The following SYNJ2 variants were observed in gnomAD, a reference collection of about 807,000 sequenced individuals.
SYNJ2 encodes synaptojanin 2.
A neutral mutation model predicts 141.3 loss-of-function variants in SYNJ2; 116 were observed. The ratio of observed to expected loss-of-function variants is 0.82; its 90% CI spans 0.71 to 0.96. The LOEUF is 0.96. Ranked by LOEUF, SYNJ2 falls within the 40% of genes least tolerant of loss-of-function variation. The probability of loss-of-function intolerance (pLI) is 0.00; values close to 1 mark genes in which losing one functional copy is unlikely to be tolerated. For missense variants in SYNJ2, 1,873 were observed against 1,934.8 expected, an observed-to-expected ratio of 0.97 and a Z score of 0.60; for synonymous variants, 745 against 777.7, an observed-to-expected ratio of 0.96 and a Z score of 0.70.
intron 1 of SYNJ2, among the ~76,000 whole-genome samples, chr6:158,004,185 A>C (rs1777964496): frequency 2.0e-5 from 3 of 152,076 alleles, no homozygotes; most frequent in Non-Finnish European, 4.4e-5. Flanking sequence ...CTCCATCTTG[A>C]ATAGGGGCTG....
Position 158,021,503 on chromosome 6 carries a change from A to C in SYNJ2, c.214+4213A>C, listed in dbSNP as rs148118339. Among the ~76,000 whole-genome samples the C allele has an allele frequency of 2.6e-3, 396 of 152,286 alleles. 2 individuals carry two copies. The highest frequency in any genetic ancestry group is 8.6e-3 in the African/African-American group (356 of 41,566). ...TAGAGTGTGGCCTGGGGACGCTGCCACCACTGAGAAGCTCTGCTGTCTCTC... is the reference window on the plus strand; with the variant it reads ...TAGAGTGTGGCCTGGGGACGCTGCCCCCACTGAGAAGCTCTGCTGTCTCTC... On this transcript the variant is annotated intron_variant, in intron 2 of 26. Transcript: ENST00000355585.
At chr6:158,094,229 C>G (rs1783656821) in intron 26 of SYNJ2, 1 of 465,304 alleles carries the variant, frequency 2.1e-6, no homozygotes, top group African/African-American at 1.9e-5. Flanking sequence ...CGCCTCTTCC[C>G]TGTTCAGATG....
At position 158,043,218 on chromosome 6, in the gene SYNJ2, C is replaced by A; in HGVS notation, c.712-98C>A. 2 of 1,026,822 alleles carry A rather than the reference C, an allele frequency of 1.9e-6. No individual in the cohort carries two copies. Among genetic ancestry groups the A allele is most frequent in the Non-Finnish European group, 1.5e-6 (1 of 671,578 alleles). 63.6% of individuals were successfully genotyped at this position (1,026,822 alleles called of 1,614,324 possible). A position where few individuals can be genotyped will look rare whatever the true frequency, so the allele number is the denominator to read the frequency against. On this transcript the variant is annotated intron_variant, in intron 4 of 26. Coordinates refer to ENST00000355585, the MANE Select transcript of SYNJ2 (RefSeq NM_003898.4). This position sits in a 1 kb window ranked among gnomAD's most constrained non-coding sequence, Gnocchi z 4.0. ...GTCCACCGTCCGCCCTTCATTCTGG[C>A]TGGTGTCGGGTCACAGGTGGCCGGA...
chr6:158,004,516 C>T (rs534452301), intron 1 of SYNJ2, among the ~76,000 whole-genome samples: 1 of 152,196 alleles, frequency 6.6e-6, no homozygotes, highest in Non-Finnish European at 1.5e-5. Context: ...GGGAAGAACC[C>T]TCAGTTCCTG....
At chr6:158,081,032 C>T in intron 18 of SYNJ2, 77 bp from the exon 19 acceptor site, 1 of 1,359,404 alleles carries the variant, frequency 7.4e-7, no homozygotes, top group Admixed American at 1.7e-5. Context: ...CTGTCCCAGG[C>T]TAACTGGGGA....
intron 1 of SYNJ2, among the ~76,000 whole-genome samples, chr6:158,008,745 C>T (rs1033069055): frequency 6.6e-6 from 1 of 152,222 alleles, no homozygotes; most frequent in Non-Finnish European, 1.5e-5. Context: ...TCCATTGCTG[C>T]GCCCTGGCTC....
chr6:158,037,699 C>T (rs1374056476), intron 4 of SYNJ2, among the ~76,000 whole-genome samples: 1 of 152,086 alleles, frequency 6.6e-6, no homozygotes, highest in African/African-American at 2.4e-5. Flanking sequence ...CTGAGCCCGG[C>T]CCAGTTGTCC....
chr6:158,081,273 T>G lies in SYNJ2; in HGVS notation c.2732T>G (p.Leu911Arg), dbSNP rs1387433819. Residue 911 changes from leucine (L) to arginine (R), a missense_variant, in exon 19 of 27, where the codon CTG (leucine) becomes CGG (arginine). Physicochemically the swap from Leu to Arg is moderately radical, Grantham distance 102 (BLOSUM62 -2). Coordinates refer to ENST00000355585, the MANE Select transcript of SYNJ2 (RefSeq NM_003898.4). The part of the protein sequence containing the change: ...LEEKNEFPED[L>R]RTELMQTLGS... Reference sequence around the variant, plus strand: ...GAGAAAAACGAGTTTCCAGAGGACCTGCGTACTGAGCTCATGCAGACCTTG... The same window carrying G: ...GAGAAAAACGAGTTTCCAGAGGACCGGCGTACTGAGCTCATGCAGACCTTG... 1 of 1,614,162 alleles carries G rather than the reference T, an allele frequency of 6.2e-7. No homozygotes were observed. Among genetic ancestry groups the G allele is most frequent in the East Asian group, 2.2e-5 (1 of 44,882 alleles).
intron 4 of SYNJ2, among the ~76,000 whole-genome samples, chr6:158,035,409 A>G (rs2128339684): frequency 6.6e-6 from 1 of 152,192 alleles, no homozygotes; most frequent in Admixed American, 6.5e-5. Flanking sequence ...CATAAACTGT[A>G]TTGCTAGGTA....
At chr6:158,046,180 A>G (rs960461529) in intron 5 of SYNJ2, among the ~76,000 whole-genome samples, 1 of 152,070 alleles carries the variant, frequency 6.6e-6, no homozygotes, top group African/African-American at 2.4e-5. Context: ...TTCTGACCTC[A>G]AGTGATCTGC....
intron 24 of SYNJ2, 123 bp from the exon 25 acceptor site, chr6:158,089,716 G>C (rs925889070): frequency 3.2e-6 from 2 of 633,408 alleles, no homozygotes; most frequent in Non-Finnish European, 5.6e-6. Context: ...GGTGGAGGCT[G>C]GAGTTTGTAT....
chr6:158,086,751 C>T, intron 22 of SYNJ2, 104 bp from the exon 23 acceptor site: 1 of 1,195,074 alleles, frequency 8.4e-7, no homozygotes. Context: ...AGCTGTCCTA[C>T]AGCAGGTCCC....
chr6:158,011,467 A>G (rs564561774), intron 1 of SYNJ2, among the ~76,000 whole-genome samples: 99 of 152,336 alleles, frequency 6.5e-4, no homozygotes, highest in Non-Finnish European at 1.2e-3. Context: ...CCTGCATTGT[A>G]TAAGTCAGAG....
At position 158,029,158 on chromosome 6, in the gene SYNJ2, C is replaced by T. The variant is rs1235377283; in HGVS notation, c.485+132C>T. Reference sequence around the variant, plus strand: ...ATGGGGCACCTCTGGAGAGTTAGGACCCAGGCCTGCTCTCAGCACAATGAG... The same window carrying T: ...ATGGGGCACCTCTGGAGAGTTAGGATCCAGGCCTGCTCTCAGCACAATGAG... On this transcript the variant is annotated intron_variant, in intron 3 of 26. Coordinates refer to ENST00000355585, the MANE Select transcript of SYNJ2 (RefSeq NM_003898.4). 5 of 1,204,458 alleles carry T rather than the reference C, an allele frequency of 4.2e-6. No individual in the cohort carries two copies. The African/African-American group carries it at 6.2e-5, about 15-fold the overall frequency. 74.6% of individuals were successfully genotyped at this position (1,204,458 alleles called of 1,614,324 possible). A position where few individuals can be genotyped will look rare whatever the true frequency, so the allele number is the denominator to read the frequency against.
At chr6:158,034,562 AT>A (rs1314832654) in intron 4 of SYNJ2, among the ~76,000 whole-genome samples, 4 of 152,204 alleles carry the variant, frequency 2.6e-5, no homozygotes, top group African/African-American at 9.7e-5. Context: ...AGATACAGAG[AT>A]GAGGAGGCTG....
chr6:158,020,243 ACCTGCGTGACTCTGACTGTGTGAC>A (rs1778691388), intron 2 of SYNJ2, among the ~76,000 whole-genome samples: 10 of 129,048 alleles, frequency 7.7e-5, no homozygotes, highest in African/African-American at 3.5e-4. Flanking sequence ...TGTGACCCCC[ACCTGCGTGACTCTGACTGTGTGAC>A]CCCCACCTGC....
At chr6:158,017,320 G>T (rs1235180932) in intron 2 of SYNJ2, 30 bp downstream of exon 2, 1 of 1,595,732 alleles carries the variant, frequency 6.3e-7, no homozygotes. Flanking sequence ...AGGAGCAGGC[G>T]CCAGGCTCCC....
At chr6:157,998,855 G>A (rs1777729938) in intron 1 of SYNJ2, among the ~76,000 whole-genome samples, 1 of 152,200 alleles carries the variant, frequency 6.6e-6, no homozygotes, top group Non-Finnish European at 1.5e-5. Flanking sequence ...CACCCACATA[G>A]CCAGCACGCA....
At chr6:158,014,973 G>A (rs992795586) in intron 1 of SYNJ2, among the ~76,000 whole-genome samples, 1 of 152,194 alleles carries the variant, frequency 6.6e-6, no homozygotes, top group Non-Finnish European at 1.5e-5. Flanking sequence ...GGGGGATGGG[G>A]ATGGTTGAGA....
Sources: allele counts gnomAD v4.1 joint callset (sites outside exome capture counted in the v4.1 genomes callset), GRCh38; gene constraint gnomAD v4.1.1; non-coding constraint Gnocchi (gnomAD v3.1); transcripts MANE v1.5; gene names NCBI Gene and HGNC (gene_info 2026-07-23, HGNC 2026-07-21).